The following LRRC8D variants were observed in gnomAD, a reference collection of about 807,000 sequenced individuals.
The protein encoded by LRRC8D is volume-regulated anion channel subunit LRRC8D.
Under a neutral mutation model 55.8 loss-of-function variants are expected in LRRC8D, and 20 were observed. The ratio of observed to expected loss-of-function variants is 0.36; its 90% CI spans 0.25 to 0.52. LRRC8D has a LOEUF of 0.52. Ranked by LOEUF, LRRC8D falls within the 20% of genes least tolerant of loss-of-function variation. The pLI, the probability that LRRC8D is intolerant of heterozygous loss-of-function variation, is 0.93. For missense variants in LRRC8D, 651 were observed against 1,030.8 expected (o/e 0.63, Z 5.05); for synonymous variants, 352 against 377.0 (o/e 0.93, Z 0.77).
At chr1:89,926,298 A>G (rs1194434057) in intron 2 of LRRC8D, among the ~76,000 whole-genome samples, 1 of 152,282 alleles carries the variant, frequency 6.6e-6, no homozygotes, top group African/African-American at 2.4e-5. Context: ...CAAAAACTGC[A>G]ATCACTTTCA....
rs1181995545 is a variant in LRRC8D, at chr1:89,931,086, C to G, written c.-2-1981C>G. ...GCCCTGAAGTCTGGGAATGTGATTT[C>G]TAACAATTTTATGTTTGGAGTTCTT... is the stretch of plus-strand genomic sequence containing the variant. On this transcript the variant is annotated intron_variant, in intron 2 of 2. Coordinates refer to ENST00000337338, the MANE Select transcript of LRRC8D (RefSeq NM_001134479.2). Among the ~76,000 whole-genome samples, 4 of 128,116 alleles carry G rather than the reference C, an allele frequency of 3.1e-5. No homozygotes were observed. The East Asian group carries it at 9.3e-4, about 30-fold the overall frequency. 84.0% of individuals were successfully genotyped at this position (128,116 alleles called of 152,430 possible).
intron 2 of LRRC8D, among the ~76,000 whole-genome samples, chr1:89,879,219 T>C (rs1662220294): frequency 1.3e-5 from 2 of 152,254 alleles, no homozygotes; most frequent in African/African-American, 4.8e-5. Context: ...TTTATCCTGC[T>C]ATAAATTCAA....
chr1:89,934,988 G>A lies in LRRC8D; in HGVS notation c.1920G>A (p.Leu640=). Reference sequence around the variant, plus strand: ...AGAAAATGATGAATGTCGCTGAGCTGGAACTCCAGAACTGTGAGCTAGAGA... The same window carrying A: ...AGAAAATGATGAATGTCGCTGAGCTAGAACTCCAGAACTGTGAGCTAGAGA... ...SLKKMMNVAE[L]ELQNCELERI... Residue 640 remains leucine, a synonymous_variant, in exon 3 of 3, where the codon CTG becomes CTA. Coordinates refer to ENST00000337338, the MANE Select transcript of LRRC8D (RefSeq NM_001134479.2). This position sits in a 1 kb window ranked among gnomAD's most constrained non-coding sequence, Gnocchi z 5.9. The A allele has an allele frequency of 6.2e-7, 1 of 1,614,084 alleles. No homozygotes were observed. The highest frequency in any genetic ancestry group is 1.1e-5 in the South Asian group (1 of 91,082).
intron 2 of LRRC8D, among the ~76,000 whole-genome samples, chr1:89,850,961 A>G (rs536496166): frequency 2.0e-5 from 3 of 152,254 alleles, no homozygotes; most frequent in South Asian, 2.1e-4. Flanking sequence ...TTTCTAAAAG[A>G]CACATTTTTC....
At chr1:89,864,735 C>G (rs1373980138) in intron 2 of LRRC8D, among the ~76,000 whole-genome samples, 1 of 152,146 alleles carries the variant, frequency 6.6e-6, no homozygotes, top group Non-Finnish European at 1.5e-5. Flanking sequence ...CTTAAGACAT[C>G]AAGACCTTGC....
At chr1:89,876,179 A>G (rs1223393880) in intron 2 of LRRC8D, among the ~76,000 whole-genome samples, 1 of 152,126 alleles carries the variant, frequency 6.6e-6, no homozygotes, top group Non-Finnish European at 1.5e-5. Flanking sequence ...CCTGGGGCTG[A>G]GGTTAAGTGA....
intron 1 of LRRC8D, among the ~76,000 whole-genome samples, chr1:89,841,780 C>T (rs368120663): frequency 2.0e-5 from 3 of 152,026 alleles, no homozygotes; most frequent in Non-Finnish European, 2.9e-5. Flanking sequence ...ATCCTCTGCC[C>T]GAGAAATTAA....
At chr1:89,825,542 T>C (rs1434048418) in intron 1 of LRRC8D, among the ~76,000 whole-genome samples, 1 of 152,198 alleles carries the variant, frequency 6.6e-6, no homozygotes, top group Non-Finnish European at 1.5e-5. Context: ...ACTATGGACT[T>C]GTTTCCCACT....
At chr1:89,879,003 G>T (rs1489133667) in intron 2 of LRRC8D, among the ~76,000 whole-genome samples, 1 of 151,588 alleles carries the variant, frequency 6.6e-6, no homozygotes, top group Non-Finnish European at 1.5e-5. Context: ...ATGAGATGTG[G>T]CCCATGAAGG....
intron 2 of LRRC8D, 69 bp downstream of exon 2, chr1:89,843,851 CG>C: frequency 1.4e-5 from 8 of 583,006 alleles, no homozygotes; most frequent in Non-Finnish European, 2.5e-5. Context: ...CTGCTAGTGT[CG>C]GATCTGCATC....
chr1:89,842,026 C>T (rs1429432672), intron 1 of LRRC8D, among the ~76,000 whole-genome samples: 1 of 151,906 alleles, frequency 6.6e-6, no homozygotes, highest in Non-Finnish European at 1.5e-5. Flanking sequence ...TCCTGGCCAA[C>T]ATTGTGAAAC....
chr1:89,882,355 G>T, intron 2 of LRRC8D, among the ~76,000 whole-genome samples: 1 of 152,212 alleles, frequency 6.6e-6, no homozygotes, highest in South Asian at 2.1e-4. Flanking sequence ...TGCTGTTTAA[G>T]TACTACGTGC....
In LRRC8D at chr1:89,821,268, T is replaced by C. The variant is rs1209493198; in HGVS notation, c.-171T>C. 1 of 151,860 alleles carries C rather than the reference T, an allele frequency of 6.6e-6. No individual in the cohort carries two copies. Among genetic ancestry groups the C allele is most frequent in the African/African-American group, 2.4e-5 (1 of 41,424 alleles). 9.4% of individuals were successfully genotyped at this position (151,860 alleles called of 1,614,324 possible). ...CTCCGGCCTCAGCATAAGCCGTGGC[T>C]TGGCGGCCGAGCTGCACCCCAAGGT... On this transcript the variant is annotated 5_prime_UTR_variant, in exon 1 of 3. Transcript: ENST00000337338.
At chr1:89,900,871 G>C (rs1320891990) in intron 2 of LRRC8D, among the ~76,000 whole-genome samples, 1 of 152,194 alleles carries the variant, frequency 6.6e-6, no homozygotes, top group Non-Finnish European at 1.5e-5. Context: ...TTAGGAATCA[G>C]GAATCACAAA....
Position 89,878,963 on chromosome 1 carries a change from G to A in LRRC8D, c.-3+35181G>A, listed in dbSNP as rs143344918. 9.8e-3 allele frequency among the ~76,000 whole-genome samples: 1,209 copies of A among 122,862 alleles called. 5 individuals carry two copies. Among genetic ancestry groups the A allele is most frequent in the Non-Finnish European group, 0.016 (935 of 59,024 alleles). The allele number at this position is 122,862 out of a possible 152,430, so 80.6% of individuals were successfully genotyped here. Reference sequence around the variant, plus strand: ...GCCTGGGCAACAAGAGCGAAAATCCGTCTCAAAAAAAAAAAAAAAAAAGTC... The same window carrying A: ...GCCTGGGCAACAAGAGCGAAAATCCATCTCAAAAAAAAAAAAAAAAAAGTC... On this transcript the variant is annotated intron_variant, in intron 2 of 2. Transcript: ENST00000337338.
At chr1:89,837,598 T>C (rs987737964) in intron 1 of LRRC8D, among the ~76,000 whole-genome samples, 2 of 152,246 alleles carry the variant, frequency 1.3e-5, no homozygotes, top group African/African-American at 4.8e-5. Context: ...TTTTCTCATC[T>C]GTAATATGAA....
chr1:89,920,697 G>GAAAAA (rs555845776), intron 2 of LRRC8D, among the ~76,000 whole-genome samples: 3 of 113,228 alleles, frequency 2.6e-5, no homozygotes, highest in Non-Finnish European at 3.8e-5. Flanking sequence ...GGCCTATTGG[G>GAAAAA]AAAAAAAAAA....
intron 2 of LRRC8D, among the ~76,000 whole-genome samples, chr1:89,852,276 T>C (rs565353993): frequency 1.2e-4 from 19 of 152,350 alleles, no homozygotes; most frequent in Non-Finnish European, 5.9e-5. Context: ...TAAACTTACA[T>C]GCTCATTAGA....
At chr1:89,825,992 A>G (rs1054945857) in intron 1 of LRRC8D, among the ~76,000 whole-genome samples, 1 of 152,212 alleles carries the variant, frequency 6.6e-6, no homozygotes, top group Non-Finnish European at 1.5e-5. Context: ...TTGGCTGTCC[A>G]GATGGTGCAG....
Sources: allele counts gnomAD v4.1 joint callset (sites outside exome capture counted in the v4.1 genomes callset), GRCh38; gene constraint gnomAD v4.1.1; non-coding constraint Gnocchi (gnomAD v3.1); transcripts MANE v1.5; gene names NCBI Gene and HGNC (gene_info 2026-07-23, HGNC 2026-07-21).